The following PRDM15 variants were observed in gnomAD, a reference collection of about 807,000 sequenced individuals.
PRDM15 encodes PR domain zinc finger protein 15.
PRDM15 carries 64 observed loss-of-function variants against 128.6 expected under a neutral mutation model. The ratio of observed to expected loss-of-function variants is 0.50; its 90% confidence interval spans 0.41 to 0.61. The LOEUF is 0.61. Ranked by LOEUF, PRDM15 falls within the 20% of genes least tolerant of loss-of-function variation. The pLI, the probability that PRDM15 is intolerant of heterozygous loss-of-function variation, is 0.00. For missense variants in PRDM15, 1,242 were observed against 1,569.1 expected, an observed-to-expected ratio of 0.79 and a Z score of 3.52; for synonymous variants, 615 against 621.8, an observed-to-expected ratio of 0.99 and a Z score of 0.16.
intron 1 of PRDM15, among the ~76,000 whole-genome samples, chr21:41,878,298 C>T (rs1212408954): frequency 6.6e-6 from 1 of 152,156 alleles, no homozygotes; most frequent in African/African-American, 2.4e-5. Flanking sequence ...TTGTTTCTAC[C>T]GTTTTAAACT....
rs774468379 is a variant in PRDM15 at position 41,821,856 on chromosome 21, C to T, written c.1896+47G>A. On this transcript the variant is annotated intron_variant, in intron 15 of 23. Transcript: ENST00000398548. This position sits in a 1 kb window ranked among gnomAD's most constrained non-coding sequence, Gnocchi z 5.4. ...GGGGCCCACAGCCTTGAAACGACCA[C>T]CTTCCTCTCCAGACCACCCAGGCAC... The T allele has an allele frequency of 7.5e-6, 12 of 1,610,024 alleles. No individual in the cohort carries two copies. Among genetic ancestry groups the T allele is most frequent in the East Asian group, 2.2e-5 (1 of 44,856 alleles).
chr21:41,810,016 G>A lies in PRDM15; in HGVS notation c.2652+138C>T. The A allele has an allele frequency of 1.2e-6, 1 of 821,298 alleles. No individual in the cohort carries two copies. The highest frequency in any genetic ancestry group is 1.8e-5 in the South Asian group (1 of 56,438). The allele number at this position is 821,298 out of a possible 1,614,324, so 50.9% of individuals were successfully genotyped here. On this transcript the variant is annotated intron_variant, in intron 21 of 23. Coordinates refer to ENST00000398548, the MANE Select transcript of PRDM15 (RefSeq NM_001040424.3). This position sits in a 1 kb window ranked among gnomAD's most constrained non-coding sequence, Gnocchi z 6.4. ...GCCTCCTGTGTGGCAGGCAGTGCCA[G>A]TCACAGACGCACCTAAGACTCAGGG...
At chr21:41,816,487 C>T (rs1601170338) in intron 18 of PRDM15, among the ~76,000 whole-genome samples, 2 of 152,214 alleles carry the variant, frequency 1.3e-5, no homozygotes, top group East Asian at 3.9e-4. Flanking sequence ...AAGGCAGCCT[C>T]CCCAGCCCCG....
intron 21 of PRDM15, among the ~76,000 whole-genome samples, chr21:41,806,078 T>C (rs199571104): frequency 0.15 from 781 of 5,264 alleles, 2 homozygotes; most frequent in Middle Eastern, 0.38. Flanking sequence ...ACCACCACCA[T>C]CACCACCACC....
chr21:41,847,971 C>A (rs2063319636), intron 5 of PRDM15, among the ~76,000 whole-genome samples: 1 of 152,346 alleles, frequency 6.6e-6, no homozygotes, highest in South Asian at 2.1e-4. Flanking sequence ...GTGCAACCTA[C>A]AATTGGGAGG....
chr21:41,808,090 G>A (rs946350187), intron 21 of PRDM15, among the ~76,000 whole-genome samples: 4 of 152,226 alleles, frequency 2.6e-5, no homozygotes, highest in Non-Finnish European at 5.9e-5. Flanking sequence ...CAAAAGTGAT[G>A]TGCACCGTCT....
Position 41,839,604 on chromosome 21 carries a change from C to T in PRDM15, c.871+19G>A. ...GCTGCGCCCCACGCAGGCACTCATC[C>T]CCGGGACCCGCTCATCACCTGTGGG... On this transcript the variant is annotated intron_variant, in intron 7 of 23. Transcript: ENST00000398548. The T allele has an allele frequency of 6.2e-7, 1 of 1,611,092 alleles. No individual in the cohort carries two copies. The highest frequency in any genetic ancestry group is 8.5e-7 in the Non-Finnish European group (1 of 1,177,242).
intron 14 of PRDM15, among the ~76,000 whole-genome samples, chr21:41,822,440 CCT>C (rs1349999853): frequency 3.9e-5 from 6 of 152,258 alleles, no homozygotes; most frequent in Admixed American, 6.5e-5. Flanking sequence ...CTGCTCCGTT[CCT>C]CTCTTTCCTC....
intron 23 of PRDM15, 36 bp downstream of exon 23, chr21:41,802,676 C>A (rs1302301836): frequency 6.4e-7 from 1 of 1,574,652 alleles, no homozygotes. Flanking sequence ...GGGAAAGTGA[C>A]CGGCACCTAA....
Position 41,862,159 on chromosome 21 carries a change from G to A in PRDM15, c.-9-1787C>T, listed in dbSNP as rs139426814. On this transcript the variant is annotated intron_variant, in intron 1 of 23. Transcript: ENST00000398548. This position sits in a 1 kb window ranked among gnomAD's most constrained non-coding sequence, Gnocchi z 4.1. ...TTCATGAGTTGCTGCTGTGCTACTG[G>A]AGGTGTAGGACCTGCGTGCCCCCTG... is the stretch of plus-strand genomic sequence containing the variant. 4.7e-5 allele frequency: 31 copies of A among 656,840 alleles called. 1 individual carries two copies. The highest frequency in any genetic ancestry group is 8.2e-5 in the Non-Finnish European group (30 of 364,786). The allele number at this position is 656,840 out of a possible 1,614,324, so 40.7% of individuals were successfully genotyped here.
chr21:41,858,114 C>G (rs933140479), intron 3 of PRDM15, among the ~76,000 whole-genome samples: 14 of 152,250 alleles, frequency 9.2e-5, no homozygotes, highest in Non-Finnish European at 1.8e-4. Flanking sequence ...GAGAAAGACG[C>G]AAGGGCCATG....
rs911387128 is a variant in PRDM15, at chr21:41,832,504, C to T, written c.1366+2933G>A. ...CCACACCTTTACAGTGCTGTGGCAA[C>T]GGATCACCATAGGCCACACCTTTAC... On this transcript the variant is annotated intron_variant, in intron 11 of 23. Transcript: ENST00000398548. The surrounding 1 kb of genome is among the most constrained non-coding windows in gnomAD (Gnocchi z 4.2). Among the ~76,000 whole-genome samples, 5 of 152,154 alleles carry T rather than the reference C, an allele frequency of 3.3e-5. No individual in the cohort carries two copies. Among genetic ancestry groups the T allele is most frequent in the Non-Finnish European group, 7.4e-5 (5 of 68,022 alleles).
chr21:41,829,757 A>G (rs2062617519), intron 11 of PRDM15, among the ~76,000 whole-genome samples: 1 of 151,204 alleles, frequency 6.6e-6, no homozygotes, highest in South Asian at 2.1e-4. Flanking sequence ...ATACACACAC[A>G]TTCAACACAC....
chr21:41,858,275 C>T (rs1016328636), intron 3 of PRDM15, among the ~76,000 whole-genome samples: 19 of 152,238 alleles, frequency 1.2e-4, no homozygotes, highest in African/African-American at 4.3e-4. Flanking sequence ...ACGTCCAGGA[C>T]AGAGGCGGAC....
At chr21:41,802,605 C>A (rs757859196) in intron 23 of PRDM15, 107 bp downstream of exon 23, 43 of 921,688 alleles carry the variant, frequency 4.7e-5, no homozygotes, top group Non-Finnish European at 7.4e-5. Flanking sequence ...ATGAAGTCCA[C>A]ATGTACACTG....
intron 18 of PRDM15, 21 bp from the exon 19 acceptor site, chr21:41,815,857 A>T: frequency 6.2e-7 from 1 of 1,610,668 alleles, no homozygotes; most frequent in Non-Finnish European, 8.5e-7. Context: ...ACAGCGAGTC[A>T]GAGGCGGCCA....
chr21:41,861,522 T>C (rs1329599273), intron 1 of PRDM15: 4 of 1,508,168 alleles, frequency 2.7e-6, no homozygotes, highest in Admixed American at 1.8e-5. Flanking sequence ...ACCAAATGAT[T>C]ATTCCTCCTC....
chr21:41,839,338 G>A (rs1478340118), intron 7 of PRDM15, among the ~76,000 whole-genome samples: 2 of 152,242 alleles, frequency 1.3e-5, no homozygotes, highest in Non-Finnish European at 2.9e-5. Flanking sequence ...AGTGGCTAAC[G>A]AGACAGAAAT....
rs771241634 is a variant in PRDM15 at position 41,810,719 on chromosome 21, C to T, written c.2476+34G>A. The T allele has an allele frequency of 1.5e-5, 23 of 1,585,546 alleles. No individual in the cohort carries two copies. Among genetic ancestry groups the T allele is most frequent in the Middle Eastern group, 1.7e-4 (1 of 5,990 alleles). On this transcript the variant is annotated intron_variant, in intron 20 of 23. Coordinates refer to ENST00000398548, the MANE Select transcript of PRDM15 (RefSeq NM_001040424.3). This position sits in a 1 kb window ranked among gnomAD's most constrained non-coding sequence, Gnocchi z 6.4. ...GACAGCCCCGGCAGCCTGCCGCGTG[C>T]GCCCCGAAGGCTCCTTCAGGCTGCG...
Sources: allele counts gnomAD v4.1 joint callset (sites outside exome capture counted in the v4.1 genomes callset), GRCh38; gene constraint gnomAD v4.1.1; non-coding constraint Gnocchi (gnomAD v3.1); transcripts MANE v1.5; gene names NCBI Gene and HGNC (gene_info 2026-07-23, HGNC 2026-07-21).